Variants in MXRA7 observed in about 807,000 individuals in gnomAD.
The protein encoded by MXRA7 is matrix-remodeling-associated protein 7.
In MXRA7, 18 loss-of-function variants were observed where a neutral mutation model predicts 17.4. The observed-to-expected ratio is 1.03, with a 90% CI of 0.71 to 1.53. The LOEUF (loss-of-function observed/expected upper bound fraction) is 1.53. Among genes scored for constraint, MXRA7 ranks in the 40% most tolerant of loss-of-function variants. MXRA7 has a pLI of 0.00. For synonymous variants in MXRA7, 70 were observed against 101.7 expected, an observed-to-expected ratio of 0.69 and a Z score of 1.87; for missense variants, 141 against 209.3, an observed-to-expected ratio of 0.67 and a Z score of 2.01.
Position 76,680,649 on chromosome 17 carries a change from C to T in MXRA7, c.*218G>A. The T allele has an allele frequency of 7.4e-7, 1 of 1,358,918 alleles. No individual in the cohort carries two copies. 84.2% of individuals were successfully genotyped at this position (1,358,918 alleles called of 1,614,324 possible). A position where few individuals can be genotyped will look rare whatever the true frequency, so the allele number is the denominator to read the frequency against. Reference sequence around the variant, plus strand: ...TAACAAAGTGACCCACAGGAACAGACATGAACATCTCTACACAGGGCAGGG... The same window carrying T: ...TAACAAAGTGACCCACAGGAACAGATATGAACATCTCTACACAGGGCAGGG... On this transcript the variant is annotated 3_prime_UTR_variant, in exon 4 of 4. Transcript: ENST00000449428.
intron 2 of MXRA7, 106 bp downstream of exon 2, chr17:76,688,007 C>CCA: frequency 2.2e-6 from 2 of 889,648 alleles, no homozygotes; most frequent in Non-Finnish European, 1.8e-6. Flanking sequence ...TGTCCCACCC[C>CCA]ATCCCTCCCC....
Position 76,681,258 on chromosome 17 carries a change from C to T in MXRA7, c.501-379G>A, listed in dbSNP as rs962384148. ...ATCACCCTAGATAATTTCCCATTCC[C>T]GCTGGCTGAGTTTTGTCCCCTCGGG... On this transcript the variant is annotated intron_variant, in intron 3 of 3. Transcript: ENST00000449428. This position sits in a 1 kb window ranked among gnomAD's most constrained non-coding sequence, Gnocchi z 4.7. Among the ~76,000 whole-genome samples, 11 of 152,166 alleles carry T rather than the reference C, an allele frequency of 7.2e-5. No individual in the cohort carries two copies. Among genetic ancestry groups the T allele is most frequent in the African/African-American group, 1.2e-4 (5 of 41,430 alleles).
chr17:76,685,569 C>G (rs893569781), intron 2 of MXRA7, among the ~76,000 whole-genome samples: 2 of 152,214 alleles, frequency 1.3e-5, no homozygotes, highest in South Asian at 4.1e-4. Flanking sequence ...GTCATCCCCC[C>G]ACCCCCTGTG....
At chr17:76,690,393 T>G (rs1186367849) in intron 1 of MXRA7, among the ~76,000 whole-genome samples, 1 of 152,080 alleles carries the variant, frequency 6.6e-6, no homozygotes, top group Non-Finnish European at 1.5e-5. Flanking sequence ...TTATTTATTT[T>G]CTTATATATT....
chr17:76,706,302 G>A lies in MXRA7; in HGVS notation c.342+4303C>T, dbSNP rs1420072207. On this transcript the variant is annotated intron_variant, in intron 1 of 3. Coordinates refer to ENST00000449428, the MANE Select transcript of MXRA7 (RefSeq NM_198530.4). The stretch of plus-strand genomic sequence containing the variant: ...CACAGAGGCCCACGCTGCCGTCACA[G>A]AGGCCCACGCTGCCATCACAAAGGA... 6.6e-5 allele frequency among the ~76,000 whole-genome samples: 6 copies of A among 90,250 alleles called. No individual in the cohort carries two copies. In the East Asian group the frequency reaches 9.5e-4, roughly 14 times the overall value. The allele number at this position is 90,250 out of a possible 152,430, so 59.2% of individuals were successfully genotyped here.
At chr17:76,708,865 G>A (rs765824285) in intron 1 of MXRA7, among the ~76,000 whole-genome samples, 35 of 152,148 alleles carry the variant, frequency 2.3e-4, no homozygotes, top group Non-Finnish European at 4.7e-4. Context: ...CGGGAGGACA[G>A]ACACAAGCCT....
chr17:76,688,375 A>G, intron 1 of MXRA7, 199 bp from the exon 2 acceptor site: 2 of 1,434,128 alleles, frequency 1.4e-6, no homozygotes, highest in East Asian at 2.5e-5. Context: ...GACTCGGCTC[A>G]CAAATGCTGA....
chr17:76,676,132 T>G (rs2076239397), downstream of MXRA7: 2 of 152,156 alleles, frequency 1.3e-5, no homozygotes, highest in Admixed American at 1.3e-4. Flanking sequence ...AACAATCCCC[T>G]CCGGTGTCAC....
Position 76,688,143 on chromosome 17 carries a change from GC to G in MXRA7, c.375del (p.Pro126HisfsTer23), listed in dbSNP as rs1476265849. 1.2e-6 allele frequency: 2 copies of G among 1,614,118 alleles called. No individual in the cohort carries two copies. ...TCCTCCTCAGGCCCTTCCGATGATGGCCCCTTCTCACCATCCAAGTCCTGCT... is the reference window on the plus strand; with the variant it reads ...TCCTCCTCAGGCCCTTCCGATGATGGCCCTTCTCACCATCCAAGTCCTGCT... ...EEEQDLDGEK[G>X]PSSEGPEEED... On this transcript the variant is annotated frameshift_variant, in exon 2 of 4. Transcript: ENST00000449428. LOFTEE classifies it high-confidence loss of function.
intron 2 of MXRA7, among the ~76,000 whole-genome samples, chr17:76,685,564 C>T (rs114433081): frequency 1.3e-5 from 2 of 152,184 alleles, no homozygotes; most frequent in African/African-American, 2.4e-5. Context: ...CTTGTGTCAT[C>T]CCCCCACCCC....
chr17:76,703,977 T>C (rs2143678203), intron 1 of MXRA7, among the ~76,000 whole-genome samples: 1 of 150,898 alleles, frequency 6.6e-6, no homozygotes, highest in South Asian at 2.1e-4. Flanking sequence ...TGGCCACCTG[T>C]AATCCCAGCT....
chr17:76,677,435 A>T (rs936818609), downstream of MXRA7: 2 of 596,028 alleles, frequency 3.4e-6, no homozygotes, highest in African/African-American at 3.7e-5. Flanking sequence ...TAATATACAC[A>T]CTGCAAGAAC....
chr17:76,683,930 G>A, intron 3 of MXRA7: 1 of 1,612,912 alleles, frequency 6.2e-7, no homozygotes. Context: ...GCTCAATCCT[G>A]AAATATAAAT....
At chr17:76,684,032 C>T in intron 3 of MXRA7, 3 of 896,780 alleles carry the variant, frequency 3.3e-6, no homozygotes, top group Non-Finnish European at 5.6e-6. Flanking sequence ...TGTGCTTACA[C>T]TGCCCGCCCC....
At chr17:76,683,839 GTCCTTAC>G (rs1420657006) in intron 3 of MXRA7, 1 of 1,609,830 alleles carries the variant, frequency 6.2e-7, no homozygotes, top group African/African-American at 1.3e-5. Flanking sequence ...AGAAATCAGT[GTCCTTAC>G]CAAAAGGATT....
chr17:76,701,907 A>C (rs998174285), intron 1 of MXRA7, among the ~76,000 whole-genome samples: 1 of 152,228 alleles, frequency 6.6e-6, no homozygotes, highest in African/African-American at 2.4e-5. Flanking sequence ...CAGATTTAAC[A>C]GTTTCTGGCA....
chr17:76,685,118 G>C lies in MXRA7; in HGVS notation c.454C>G (p.Gln152Glu). Residue 152 changes from glutamine (Q) to glutamate (E), a missense_variant, in exon 3 of 4, where the codon CAG (glutamine) becomes GAG (glutamate). Coordinates refer to ENST00000449428, the MANE Select transcript of MXRA7 (RefSeq NM_198530.4). ...KYSPGKLRGN[Q>E]YKKMMTKEEL... ...TCTTTGGTCATCATCTTCTTGTACT[G>C]GTTTCCCCTCAGCTTCCCGGGGCTG... 6.2e-7 allele frequency: 1 copy of C among 1,614,032 alleles called. No individual in the cohort carries two copies. Among genetic ancestry groups the C allele is most frequent in the Non-Finnish European group, 8.5e-7 (1 of 1,179,992 alleles).
intron 1 of MXRA7, among the ~76,000 whole-genome samples, chr17:76,696,755 G>C (rs1011052239): frequency 3.3e-5 from 5 of 152,140 alleles, no homozygotes; most frequent in Non-Finnish European, 5.9e-5. Flanking sequence ...GCTCAGCGTT[G>C]AATGAATCCG....
At chr17:76,682,449 A>G (rs1335138520) in intron 3 of MXRA7, among the ~76,000 whole-genome samples, 1 of 152,046 alleles carries the variant, frequency 6.6e-6, no homozygotes, top group Non-Finnish European at 1.5e-5. Context: ...TATTTTTCAT[A>G]CTGATGATTC....
Sources: gnomAD v4.1 joint callset for allele counts (sites outside exome capture counted in the v4.1 genomes callset) on GRCh38, gnomAD v4.1.1 for gene constraint, Gnocchi (gnomAD v3.1) non-coding constraint, MANE v1.5 for transcripts, NCBI Gene and HGNC (gene_info 2026-07-23, HGNC 2026-07-21) for gene names.